Variants in OR1J2 observed in about 807,000 individuals in gnomAD.
The protein encoded by OR1J2 is olfactory receptor 1J2.
For missense variants in OR1J2, 304 were observed against 246.1 expected (o/e 1.24, Z -1.57); for synonymous variants, 142 against 99.7 (o/e 1.42, Z -2.52).
At chr9:122,523,329 T>G in the OR1J2 span, among the ~76,000 whole-genome samples, 1 of 152,178 alleles carries the variant, frequency 6.6e-6, no homozygotes, top group Admixed American at 6.5e-5. Flanking sequence ...GACTATATTG[T>G]GAGGGGGGTA....
chr9:122,568,913 G>C, the OR1J2 span, among the ~76,000 whole-genome samples: 3 of 152,018 alleles, frequency 2.0e-5, no homozygotes, highest in African/African-American at 7.2e-5. Context: ...TACATTTTAT[G>C]AACAAAATAA....
upstream of OR1J2, among the ~76,000 whole-genome samples, chr9:122,507,277 G>A (rs1411740367): frequency 6.6e-6 from 1 of 152,040 alleles, no homozygotes; most frequent in African/African-American, 2.4e-5. Flanking sequence ...GAAGAATGGA[G>A]TTAAAAAGGG....
At chr9:122,551,851 T>C in the OR1J2 span, among the ~76,000 whole-genome samples, 1 of 152,116 alleles carries the variant, frequency 6.6e-6, no homozygotes, top group Non-Finnish European at 1.5e-5. Context: ...AATCGAGCCA[T>C]ACACTTCAGG....
At chr9:122,494,640 G>A in the OR1J2 span, among the ~76,000 whole-genome samples, 13 of 151,968 alleles carry the variant, frequency 8.6e-5, no homozygotes, top group Non-Finnish European at 1.9e-4. Context: ...CCACTCTGCC[G>A]TTCTCTATCT....
At chr9:122,493,692 A>G in the OR1J2 span, among the ~76,000 whole-genome samples, 1 of 151,704 alleles carries the variant, frequency 6.6e-6, no homozygotes, top group African/African-American at 2.4e-5. Flanking sequence ...TGTTTGTTTC[A>G]TTTAGTTCTG....
chr9:122,551,333 A>G, the OR1J2 span, among the ~76,000 whole-genome samples: 5 of 152,180 alleles, frequency 3.3e-5, no homozygotes, highest in Admixed American at 1.3e-4. Flanking sequence ...AGTAGATATA[A>G]GTAGCTTTTT....
chr9:122,519,823 C>A, the OR1J2 span: 1 of 1,614,134 alleles, frequency 6.2e-7, no homozygotes, highest in South Asian at 1.1e-5. Flanking sequence ...ATCCTCAAGG[C>A]TCCATCTACT....
At chr9:122,512,951 A>G (rs957536465), downstream of OR1J2, among the ~76,000 whole-genome samples, 1 of 152,246 alleles carries the variant, frequency 6.6e-6, no homozygotes, top group African/African-American at 2.4e-5. Flanking sequence ...TATTTCACAT[A>G]CGATGCACAT....
the OR1J2 span, among the ~76,000 whole-genome samples, chr9:122,451,971 C>T: frequency 9.2e-5 from 14 of 152,264 alleles, 1 homozygote; most frequent in Admixed American, 5.9e-4. Context: ...CTCCGCCTCC[C>T]GGGTTCACGC....
chr9:122,477,923 T>C, the OR1J2 span: 1 of 1,588,058 alleles, frequency 6.3e-7, no homozygotes. Flanking sequence ...TTCTCAGGGC[T>C]CATGTTTATA....
the OR1J2 span, among the ~76,000 whole-genome samples, chr9:122,478,798 G>A: frequency 1.3e-5 from 2 of 152,122 alleles, no homozygotes; most frequent in African/African-American, 2.4e-5. Flanking sequence ...TTGTTTGTTT[G>A]AGACAGAGTC....
At chr9:122,459,536 A>G in the OR1J2 span, among the ~76,000 whole-genome samples, 588 of 152,330 alleles carry the variant, frequency 3.9e-3, 2 homozygotes, top group Non-Finnish European at 6.8e-3. Flanking sequence ...TAAGCAGCTT[A>G]GATGAATCTT....
the OR1J2 span, among the ~76,000 whole-genome samples, chr9:122,548,687 G>A: frequency 6.6e-6 from 1 of 151,692 alleles, no homozygotes; most frequent in South Asian, 2.1e-4. Flanking sequence ...TTGGTGTGCT[G>A]CACCCATTAA....
At chr9:122,533,002 G>A in the OR1J2 span, among the ~76,000 whole-genome samples, 1 of 151,762 alleles carries the variant, frequency 6.6e-6, no homozygotes, top group African/African-American at 2.4e-5. Flanking sequence ...GTCTGTGAAG[G>A]CTTGCGGCAG....
At chr9:122,532,072 T>C in the OR1J2 span, among the ~76,000 whole-genome samples, 296 of 99,662 alleles carry the variant, frequency 3.0e-3, 2 homozygotes, top group Non-Finnish European at 4.2e-3. Flanking sequence ...CAGTCCTGGG[T>C]GGGAGCAAAT....
At chr9:122,488,344 G>T in the OR1J2 span, among the ~76,000 whole-genome samples, 1 of 152,074 alleles carries the variant, frequency 6.6e-6, no homozygotes, top group African/African-American at 2.4e-5. Flanking sequence ...TTGCCATGTT[G>T]CCCAGGGTGG....
chr9:122,570,426 G>A, the OR1J2 span, among the ~76,000 whole-genome samples: 1 of 152,196 alleles, frequency 6.6e-6, no homozygotes, highest in African/African-American at 2.4e-5. Context: ...ATTTTTAAAT[G>A]TTGGCTATTT....
At chr9:122,452,160 G>T in the OR1J2 span, among the ~76,000 whole-genome samples, 1 of 152,182 alleles carries the variant, frequency 6.6e-6, no homozygotes, top group Non-Finnish European at 1.5e-5. Flanking sequence ...TTACAGGTGT[G>T]AGTCACCGCG....
At chr9:122,547,081 TA>T in the OR1J2 span, among the ~76,000 whole-genome samples, 3 of 151,088 alleles carry the variant, frequency 2.0e-5, no homozygotes, top group African/African-American at 7.3e-5. Context: ...ATAATTTTTT[TA>T]AAAAGAATAT....
Sources: gnomAD v4.1 joint callset for allele counts (sites outside exome capture counted in the v4.1 genomes callset) on GRCh38, gnomAD v4.1.1 for gene constraint, MANE v1.5 for transcripts, NCBI Gene and HGNC (gene_info 2026-07-23, HGNC 2026-07-21) for gene names.